Variants in QTMAN observed in about 807,000 individuals in gnomAD.
The protein encoded by QTMAN is queuosine-tRNA mannosyltransferase.
the QTMAN span, among the ~76,000 whole-genome samples, chr2:144,013,664 C>T: frequency 6.6e-6 from 1 of 151,768 alleles, no homozygotes; most frequent in Admixed American, 6.6e-5. Context: ...TCTGTAGATC[C>T]CTGGATAGAA....
At chr2:143,972,001 GAGTTCTATAGCCATTTA>G in the QTMAN span, among the ~76,000 whole-genome samples, 3 of 152,074 alleles carry the variant, frequency 2.0e-5, no homozygotes, top group Admixed American at 1.3e-4. Context: ...TACAGAATTA[GAGTTCTATAGCCATTTA>G]AGTTCTATAT....
the QTMAN span, among the ~76,000 whole-genome samples, chr2:144,048,415 A>T: frequency 6.6e-6 from 1 of 152,208 alleles, no homozygotes; most frequent in Non-Finnish European, 1.5e-5. Context: ...ACTACAAGCT[A>T]GGAGCAGAGG....
chr2:144,212,746 A>T, the QTMAN span, among the ~76,000 whole-genome samples: 15 of 152,038 alleles, frequency 9.9e-5, no homozygotes, highest in Non-Finnish European at 2.1e-4. Flanking sequence ...TTAAAGAAAA[A>T]CTCACTTCTT....
the QTMAN span, among the ~76,000 whole-genome samples, chr2:144,111,776 A>G: frequency 6.6e-6 from 1 of 152,206 alleles, no homozygotes; most frequent in Non-Finnish European, 1.5e-5. Context: ...CCTGCTATAT[A>G]ATACTGGACA....
the QTMAN span, among the ~76,000 whole-genome samples, chr2:144,065,209 T>C: frequency 6.6e-6 from 1 of 152,186 alleles, no homozygotes; most frequent in African/African-American, 2.4e-5. Context: ...TCCCTGAAGA[T>C]GTTCTCAGGT....
At chr2:144,218,964 A>G in the QTMAN span, among the ~76,000 whole-genome samples, 1 of 151,644 alleles carries the variant, frequency 6.6e-6, no homozygotes, top group African/African-American at 2.4e-5. Context: ...TCAGGAGGTG[A>G]AAGAATATCA....
the QTMAN span, among the ~76,000 whole-genome samples, chr2:144,308,129 C>T: frequency 6.7e-6 from 1 of 150,158 alleles, no homozygotes; most frequent in African/African-American, 2.4e-5. Flanking sequence ...TATAACAGCA[C>T]CCAGGAAAAA....
chr2:143,989,977 C>T, the QTMAN span, among the ~76,000 whole-genome samples: 3 of 152,126 alleles, frequency 2.0e-5, no homozygotes, highest in Non-Finnish European at 1.5e-5. Flanking sequence ...GCAAATCTTA[C>T]AAAACTGTTA....
chr2:144,319,399 C>G, the QTMAN span, among the ~76,000 whole-genome samples: 10 of 151,964 alleles, frequency 6.6e-5, no homozygotes, highest in African/African-American at 9.7e-5. Flanking sequence ...TAACCCAATA[C>G]TAAAAGGTGA....
the QTMAN span, among the ~76,000 whole-genome samples, chr2:144,232,533 T>A: frequency 2.6e-5 from 4 of 152,052 alleles, no homozygotes; most frequent in African/African-American, 9.7e-5. Context: ...AATACATGAG[T>A]TTTTCTTCTC....
At chr2:143,983,424 T>C in the QTMAN span, among the ~76,000 whole-genome samples, 6 of 152,008 alleles carry the variant, frequency 3.9e-5, no homozygotes, top group African/African-American at 1.2e-4. Flanking sequence ...TGCTATACTT[T>C]ATAATCAGTT....
chr2:144,018,880 G>A, the QTMAN span, among the ~76,000 whole-genome samples: 3 of 152,198 alleles, frequency 2.0e-5, no homozygotes, highest in African/African-American at 4.8e-5. Flanking sequence ...TGCCAGGGAA[G>A]GCTCTCTAGA....
the QTMAN span, among the ~76,000 whole-genome samples, chr2:144,130,793 T>C: frequency 1.3e-5 from 2 of 151,830 alleles, no homozygotes; most frequent in African/African-American, 4.8e-5. Flanking sequence ...TCAGAAGACA[T>C]GGTATTGAAA....
the QTMAN span, among the ~76,000 whole-genome samples, chr2:144,119,021 T>A: frequency 6.6e-6 from 1 of 152,292 alleles, no homozygotes; most frequent in Non-Finnish European, 1.5e-5. Context: ...TTTCACAGAT[T>A]AATCCTTGCA....
chr2:144,201,270 T>C, the QTMAN span, among the ~76,000 whole-genome samples: 7 of 152,122 alleles, frequency 4.6e-5, no homozygotes, highest in East Asian at 5.8e-4. Flanking sequence ...GGGGTGTGGG[T>C]TGGGGGCATG....
chr2:144,180,280 C>A, the QTMAN span, among the ~76,000 whole-genome samples: 1 of 151,790 alleles, frequency 6.6e-6, no homozygotes, highest in Non-Finnish European at 1.5e-5. Context: ...GGTATTTTTT[C>A]CACATTGGTG....
the QTMAN span, among the ~76,000 whole-genome samples, chr2:144,019,209 C>T: frequency 6.6e-6 from 1 of 152,066 alleles, no homozygotes; most frequent in African/African-American, 2.4e-5. Context: ...CTGGGGCAAA[C>T]ATGCTAGAGC....
the QTMAN span, among the ~76,000 whole-genome samples, chr2:143,984,742 A>C: frequency 1.4e-4 from 22 of 152,348 alleles, no homozygotes. Context: ...CGAGAGGAGA[A>C]GCAGCAGCTG....
the QTMAN span, among the ~76,000 whole-genome samples, chr2:144,043,576 T>C: frequency 2.0e-5 from 3 of 150,420 alleles, no homozygotes; most frequent in East Asian, 5.9e-4. Context: ...GAGGTTGGAG[T>C]GAGCTGAGAT....
Sources: gnomAD v4.1 joint callset for allele counts (sites outside exome capture counted in the v4.1 genomes callset) on GRCh38, gnomAD v4.1.1 for gene constraint, MANE v1.5 for transcripts, NCBI Gene and HGNC (gene_info 2026-07-23, HGNC 2026-07-21) for gene names.